The following TASP1 variants were observed in gnomAD, a reference collection of about 807,000 sequenced individuals.
The protein encoded by TASP1 is threonine aspartase 1.
TASP1 carries 16 observed loss-of-function variants against 56.6 expected under a neutral mutation model. That is an observed-to-expected ratio of 0.28 (90% CI 0.19 to 0.43). The LOEUF is 0.43. TASP1 is among the 20% of genes least tolerant of loss of function. The probability of loss-of-function intolerance (pLI) is 1.00; values close to 1 mark genes in which losing one functional copy is unlikely to be tolerated. For missense variants in TASP1, 393 were observed against 511.6 expected (o/e 0.77, Z 2.24); for synonymous variants, 179 against 184.2 (o/e 0.97, Z 0.23).
intron 7 of TASP1, among the ~76,000 whole-genome samples, chr20:13,568,022 A>T (rs560476989): frequency 6.6e-6 from 1 of 152,242 alleles, no homozygotes; most frequent in East Asian, 1.9e-4. Context: ...ACTGTAAGAC[A>T]TAATTAGTGA....
At chr20:13,322,951 A>C in the TASP1 span, among the ~76,000 whole-genome samples, 3 of 152,208 alleles carry the variant, frequency 2.0e-5, no homozygotes, top group Non-Finnish European at 2.9e-5. Context: ...TGGGTTAAAA[A>C]GAGTCCCTGG....
the TASP1 span, among the ~76,000 whole-genome samples, chr20:13,290,101 C>T: frequency 6.6e-5 from 10 of 152,150 alleles, no homozygotes; most frequent in Non-Finnish European, 1.5e-4. Flanking sequence ...CAAGAAGTGG[C>T]GGTTCTGGCT....
the TASP1 span, among the ~76,000 whole-genome samples, chr20:13,235,926 C>CT: frequency 1.5e-5 from 2 of 135,594 alleles, no homozygotes; most frequent in South Asian, 2.4e-4. Context: ...ATTGTACTTC[C>CT]CTTTTTTCTT....
At chr20:13,301,443 C>G in the TASP1 span, among the ~76,000 whole-genome samples, 3 of 152,152 alleles carry the variant, frequency 2.0e-5, no homozygotes, top group African/African-American at 7.2e-5. Context: ...CCTGCCTTGG[C>G]CTCCCAAAGC....
At chr20:13,279,325 C>T in the TASP1 span, among the ~76,000 whole-genome samples, 1 of 152,192 alleles carries the variant, frequency 6.6e-6, no homozygotes, top group Non-Finnish European at 1.5e-5. Context: ...CTCAGCCCTA[C>T]TCAAATTCCT....
At chr20:13,489,900 A>G (rs1289426163) in intron 10 of TASP1, among the ~76,000 whole-genome samples, 1 of 152,214 alleles carries the variant, frequency 6.6e-6, no homozygotes, top group Non-Finnish European at 1.5e-5. Context: ...GTATGTATAT[A>G]CCATATGTTC....
At chr20:13,294,445 A>G in the TASP1 span, among the ~76,000 whole-genome samples, 2 of 152,234 alleles carry the variant, frequency 1.3e-5, no homozygotes, top group Non-Finnish European at 2.9e-5. Context: ...CATTCTTCTG[A>G]GACAGAAAGT....
chr20:13,145,772 A>G, the TASP1 span, among the ~76,000 whole-genome samples: 3 of 152,200 alleles, frequency 2.0e-5, no homozygotes, highest in Non-Finnish European at 2.9e-5. Flanking sequence ...AAACAGCATG[A>G]TACTGGTAAG....
the TASP1 span, among the ~76,000 whole-genome samples, chr20:13,141,855 CA>C: frequency 1.3e-5 from 2 of 152,096 alleles, no homozygotes; most frequent in African/African-American, 4.8e-5. Flanking sequence ...TGCTGGGGGG[CA>C]AAAAAGTTCT....
chr20:13,223,032 G>A, the TASP1 span, among the ~76,000 whole-genome samples: 2 of 151,976 alleles, frequency 1.3e-5, no homozygotes, highest in Non-Finnish European at 2.9e-5. Flanking sequence ...GCGTGGTGGC[G>A]CACGCCTGTA....
chr20:13,575,634 T>C (rs1016357834), intron 6 of TASP1, among the ~76,000 whole-genome samples: 12 of 152,102 alleles, frequency 7.9e-5, no homozygotes, highest in African/African-American at 2.7e-4. Context: ...TTCATAGCAG[T>C]ATAAAAATGA....
At chr20:13,230,757 A>G in the TASP1 span, among the ~76,000 whole-genome samples, 2 of 151,250 alleles carry the variant, frequency 1.3e-5, no homozygotes, top group Non-Finnish European at 2.9e-5. Context: ...AAAAAAAAAG[A>G]AAAGAAAAGA....
chr20:13,176,747 A>T, the TASP1 span, among the ~76,000 whole-genome samples: 1 of 152,232 alleles, frequency 6.6e-6, no homozygotes, highest in Non-Finnish European at 1.5e-5. Context: ...AGAACTGATA[A>T]ACAAATTCAA....
At chr20:13,604,414 C>T (rs918060239) in intron 4 of TASP1, among the ~76,000 whole-genome samples, 4 of 152,066 alleles carry the variant, frequency 2.6e-5, no homozygotes, top group Admixed American at 6.6e-5. Context: ...TGTGATATAC[C>T]GACTCCTCCT....
the TASP1 span, among the ~76,000 whole-genome samples, chr20:13,277,978 G>A: frequency 1.3e-5 from 2 of 152,158 alleles, no homozygotes; most frequent in African/African-American, 4.8e-5. Context: ...TCAGGGATGG[G>A]CACGCCCTGG....
Position 13,528,513 on chromosome 20 carries a change from TG to T in TASP1, c.796-3del, listed in dbSNP as rs772519686. ...GCAGCCACATCCATAAAGAGCAGCC[TG>T]GGGAAAAAAGAAAATAGATATAATA... On this transcript the variant is annotated splice_region_variant and splice_polypyrimidine_tract_variant and intron_variant, in intron 9 of 13. Coordinates refer to ENST00000337743, the MANE Select transcript of TASP1 (RefSeq NM_017714.3). 1.8e-5 allele frequency: 29 copies of T among 1,606,006 alleles called. No individual in the cohort carries two copies. The Admixed American group carries it at 3.0e-4, about 17-fold the overall frequency.
At chr20:13,523,985 C>CA (rs1381528979) in intron 10 of TASP1, among the ~76,000 whole-genome samples, 2 of 151,900 alleles carry the variant, frequency 1.3e-5, no homozygotes, top group South Asian at 2.1e-4. Flanking sequence ...CCTGTCTCTA[C>CA]AAAAAAATTA....
the TASP1 span, chr20:13,164,903 G>A: frequency 1.9e-5 from 29 of 1,530,442 alleles, no homozygotes; most frequent in Middle Eastern, 1.7e-4. Flanking sequence ...AAGACTTTGC[G>A]AGAAAGACCT....
At chr20:13,600,505 T>C (rs2047915618) in intron 4 of TASP1, 1 of 152,114 alleles carries the variant, frequency 6.6e-6, no homozygotes, top group African/African-American at 2.4e-5. Context: ...CAAGAAACTG[T>C]ACTAGAAAAA....
Sources: allele counts gnomAD v4.1 joint callset (sites outside exome capture counted in the v4.1 genomes callset), GRCh38; gene constraint gnomAD v4.1.1; transcripts MANE v1.5; gene names NCBI Gene and HGNC (gene_info 2026-07-23, HGNC 2026-07-21).